RNF168: variants seen among roughly 807,000 people sequenced by gnomAD.
The protein encoded by RNF168 is ring finger protein 168, also known as E3 ubiquitin-protein ligase RNF168.
In RNF168, 34 loss-of-function variants were observed where a neutral mutation model predicts 34.9. The observed-to-expected ratio is 0.97, with a 90% CI of 0.74 to 1.30. The LOEUF is 1.30. Among genes scored for constraint, RNF168 ranks in the 50% most tolerant of loss-of-function variants. The pLI is 0.00. For missense variants in RNF168, 725 were observed against 682.5 expected (o/e 1.06, Z -0.69); for synonymous variants, 264 against 254.7 (o/e 1.04, Z -0.35).
At chr3:196,489,872 G>A (rs1732552197) in intron 1 of RNF168, among the ~76,000 whole-genome samples, 1 of 152,138 alleles carries the variant, frequency 6.6e-6, no homozygotes. Context: ...CGACTTACCG[G>A]CATTTCTCCC....
chr3:196,477,849 T>C lies in RNF168; in HGVS notation c.681-2537A>G, dbSNP rs189037670. On this transcript the variant is annotated intron_variant, in intron 4 of 5. Coordinates refer to ENST00000318037, the MANE Select transcript of RNF168 (RefSeq NM_152617.4). ...CTGTAATTCTAACACTTTGGGAGGC[T>C]GAGGTGGGAGGATCGTTTGAGGCCA... is the stretch of plus-strand genomic sequence containing the variant. Among the ~76,000 whole-genome samples, 277 of 152,270 alleles carry C rather than the reference T, an allele frequency of 1.8e-3. 1 individual carries two copies. The highest frequency in any genetic ancestry group is 6.5e-3 in the African/African-American group (271 of 41,546).
intron 4 of RNF168, among the ~76,000 whole-genome samples, chr3:196,480,744 G>A (rs1233448631): frequency 1.3e-5 from 2 of 152,202 alleles, no homozygotes; most frequent in Non-Finnish European, 2.9e-5. Context: ...CCAGGCTCAA[G>A]TGATCCTCCT....
At chr3:196,484,722 T>C (rs1039092418) in intron 3 of RNF168, among the ~76,000 whole-genome samples, 1 of 152,056 alleles carries the variant, frequency 6.6e-6, no homozygotes, top group Non-Finnish European at 1.5e-5. Flanking sequence ...GGAGTGATCA[T>C]AGCTCACTGT....
chr3:196,496,135 A>G (rs1732738158), intron 1 of RNF168, among the ~76,000 whole-genome samples: 1 of 152,180 alleles, frequency 6.6e-6, no homozygotes, highest in Admixed American at 6.5e-5. Flanking sequence ...TTTACTTAAA[A>G]CAGTCTCAAA....
chr3:196,493,343 T>C (rs975344465), intron 1 of RNF168, among the ~76,000 whole-genome samples: 1 of 152,220 alleles, frequency 6.6e-6, no homozygotes, highest in Non-Finnish European at 1.5e-5. Flanking sequence ...CAAGTTAAAA[T>C]TGTCTTCATT....
At chr3:196,474,866 T>A (rs1732105446) in intron 5 of RNF168, 1 of 268,776 alleles carries the variant, frequency 3.7e-6, no homozygotes, top group Admixed American at 5.0e-5. Flanking sequence ...TCCAGCCTCC[T>A]GCCTGTTTTT....
At chr3:196,481,962 C>G (rs7649375) in intron 4 of RNF168, among the ~76,000 whole-genome samples, 73,228 of 137,118 alleles carry the variant, frequency 0.53, 20,654 homozygotes, top group Non-Finnish European at 0.6. Flanking sequence ...CTGTCCCTGG[C>G]TTTTTTTTTT....
At chr3:196,487,721 T>C (rs887757323) in intron 2 of RNF168, 143 bp from the exon 3 acceptor site, 5 of 837,924 alleles carry the variant, frequency 6.0e-6, no homozygotes, top group South Asian at 4.3e-5. Context: ...TCTGGAGAAG[T>C]AGATTCCTGC....
intron 1 of RNF168, among the ~76,000 whole-genome samples, chr3:196,498,712 A>G (rs1732808110): frequency 6.6e-6 from 1 of 152,152 alleles, no homozygotes; most frequent in African/African-American, 2.4e-5. Context: ...ATAAATCTTG[A>G]GGCCAGGCGC....
intron 1 of RNF168, among the ~76,000 whole-genome samples, chr3:196,494,445 C>A (rs1732687620): frequency 6.6e-6 from 1 of 152,026 alleles, no homozygotes. Flanking sequence ...AGTTAAAGAC[C>A]TGAATGTATA....
In RNF168 at chr3:196,503,343, G is replaced by A. The variant is rs1380325205; in HGVS notation, c.-170C>T. On this transcript the variant is annotated 5_prime_UTR_variant, in exon 1 of 6. Transcript: ENST00000318037. ...CCAACACGTCTTGAAGCAAAAAGGC[G>A]CTCTCAGGGTCAGGCAAACAGGAAT... 1.5e-6 allele frequency: 1 copy of A among 671,502 alleles called. No individual in the cohort carries two copies. The highest frequency in any genetic ancestry group is 2.6e-6 in the Non-Finnish European group (1 of 377,828). 41.6% of individuals were successfully genotyped at this position (671,502 alleles called of 1,614,324 possible).
chr3:196,475,620 C>T (rs925931702), intron 4 of RNF168, among the ~76,000 whole-genome samples: 34 of 143,724 alleles, frequency 2.4e-4, no homozygotes, highest in Non-Finnish European at 4.1e-4. Context: ...GTGTGATCTC[C>T]GCTCACTGCA....
Position 196,502,965 on chromosome 3 carries a change from G to A in RNF168, c.209C>T (p.Ser70Phe), listed in dbSNP as rs746582968. 1.2e-6 allele frequency: 2 copies of A among 1,613,996 alleles called. No individual in the cohort carries two copies. Among genetic ancestry groups the A allele is most frequent in the Non-Finnish European group, 1.7e-6 (2 of 1,179,868 alleles). ...SWTRYHTRRNSLVNVELWTII... is the reference protein window; with the variant it reads ...SWTRYHTRRNFLVNVELWTII... ...CGTCCACAGTTCCACGTTGACGAGA[G>A]AATTTCTTCGGGTATGGTACCGAGT... Residue 70 changes from serine (S) to phenylalanine (F), a missense_variant, in exon 1 of 6, where the codon TCT becomes TTT. Transcript: ENST00000318037.
intron 5 of RNF168, chr3:196,474,979 T>C (rs968884667): frequency 4.3e-6 from 2 of 460,466 alleles, no homozygotes; most frequent in African/African-American, 4.0e-5. Context: ...GTGACACAGA[T>C]CACACTAACT....
rs1364358640 is a variant in RNF168 at position 196,471,763 on chromosome 3, G to T, written c.*56C>A. ...CACATGGATGAAGATTCCATGATAG[G>T]AAAGAGCTTCACATTCCAGCTTTAC... is the stretch of plus-strand genomic sequence containing the variant. On this transcript the variant is annotated 3_prime_UTR_variant, in exon 6 of 6. Transcript: ENST00000318037. The T allele has an allele frequency of 2.0e-5, 22 of 1,121,958 alleles. No homozygotes were observed. The highest frequency in any genetic ancestry group is 2.7e-6 in the Non-Finnish European group (2 of 732,768). The allele number at this position is 1,121,958 out of a possible 1,614,324, so 69.5% of individuals were successfully genotyped here.
chr3:196,472,635 C>T lies in RNF168; in HGVS notation c.900G>A (p.Trp300Ter), dbSNP rs934752154. The T allele has an allele frequency of 1.2e-6, 2 of 1,613,254 alleles. No homozygotes were observed. The highest frequency in any genetic ancestry group is 1.7e-5 in the Admixed American group (1 of 59,992). The change falls in exon 6 of 6, where the codon TGG becomes TGA. Residue 300 changes from tryptophan (W) to a stop codon, truncating the protein, a stop_gained. Transcript: ENST00000318037. LOFTEE classifies it low-confidence loss of function (END_TRUNC). ...ACCATTCGGCACCACAGGCACATAA[C>T]CATGGCATAGGGGACTCTATTGAAG... Reference protein sequence around the residue: ...ADSSIESPMPWLCACGAEWYH... With the variant: ...ADSSIESPMP
At chr3:196,478,273 G>T (rs1417054023) in intron 4 of RNF168, among the ~76,000 whole-genome samples, 1 of 152,012 alleles carries the variant, frequency 6.6e-6, no homozygotes, top group Non-Finnish European at 1.5e-5. Flanking sequence ...AGATTTCTCT[G>T]TATATAGTGA....
Position 196,495,053 on chromosome 3 carries a change from C to T in RNF168, c.302-6370G>A, listed in dbSNP as rs995912694. On this transcript the variant is annotated intron_variant, in intron 1 of 5. Coordinates refer to ENST00000318037, the MANE Select transcript of RNF168 (RefSeq NM_152617.4). ...TAAAATAACATAAACTAAATTTGCA[C>T]TTTCTGCCTCAATATTTATTTTGAA... is the stretch of plus-strand genomic sequence containing the variant. Among the ~76,000 whole-genome samples the T allele has an allele frequency of 3.3e-5, 5 of 152,248 alleles. No homozygotes were observed. The East Asian group carries it at 9.6e-4, about 29-fold the overall frequency.
At chr3:196,493,912 G>C (rs1577520510) in intron 1 of RNF168, among the ~76,000 whole-genome samples, 1 of 150,292 alleles carries the variant, frequency 6.7e-6, no homozygotes, top group African/African-American at 2.5e-5. Context: ...CAGTGCAGTG[G>C]TGCAATCTCA....
Sources: gnomAD v4.1 joint callset for allele counts (sites outside exome capture counted in the v4.1 genomes callset) on GRCh38, gnomAD v4.1.1 for gene constraint, MANE v1.5 for transcripts, NCBI Gene and HGNC (gene_info 2026-07-23, HGNC 2026-07-21) for gene names.